Variants in ATG7 observed in about 807,000 individuals in gnomAD.
ATG7 encodes autophagy related 7, also known as ubiquitin-like modifier-activating enzyme ATG7.
Under a neutral mutation model 82.4 loss-of-function variants are expected in ATG7, and 70 were observed. The observed-to-expected ratio is 0.85, with a 90% CI of 0.70 to 1.04. The LOEUF is 1.04. Ranked by LOEUF, ATG7 falls within the 50% of genes least tolerant of loss-of-function variation. The pLI is 0.00. For synonymous variants in ATG7, 287 were observed against 313.0 expected (o/e 0.92, Z 0.88); for missense variants, 792 against 864.3 (o/e 0.92, Z 1.05).
intron 20 of ATG7, among the ~76,000 whole-genome samples, chr3:11,451,824 CCTGT>C (rs1442542938): frequency 2.0e-5 from 3 of 150,222 alleles, no homozygotes; most frequent in African/African-American, 7.3e-5. Flanking sequence ...CCCAGGCTGC[CCTGT>C]CTCTCTCTAT....
intron 18 of ATG7, among the ~76,000 whole-genome samples, chr3:11,378,059 A>T: frequency 1.7e-5 from 1 of 57,268 alleles, no homozygotes; most frequent in Non-Finnish European, 2.7e-5. Context: ...ATGGAGTCTT[A>T]CTCTGTCACT....
At chr3:11,395,979 G>A (rs2079229689) in intron 19 of ATG7, among the ~76,000 whole-genome samples, 3 of 139,972 alleles carry the variant, frequency 2.1e-5, no homozygotes, top group Admixed American at 7.3e-5. Flanking sequence ...AGGGGGGGAA[G>A]AGTAAAAGTG....
At chr3:11,348,600 G>A (rs1375503905) in intron 14 of ATG7, 2 of 152,374 alleles carry the variant, frequency 1.3e-5, no homozygotes, top group African/African-American at 4.8e-5. Flanking sequence ...AGCTCTTAAA[G>A]GTGGTGTGGA....
intron 19 of ATG7, among the ~76,000 whole-genome samples, chr3:11,406,283 C>G (rs2152905205): frequency 6.6e-6 from 1 of 152,238 alleles, no homozygotes; most frequent in South Asian, 2.1e-4. Context: ...AGCCACCATA[C>G]CCAGCCCATA....
chr3:11,285,695 C>T (rs1036626249), intron 3 of ATG7, among the ~76,000 whole-genome samples: 1 of 152,050 alleles, frequency 6.6e-6, no homozygotes, highest in East Asian at 1.9e-4. Context: ...ATTGGTTTTG[C>T]CTGTTGAACA....
At chr3:11,495,723 A>G (rs2090775481) in intron 20 of ATG7, among the ~76,000 whole-genome samples, 1 of 152,242 alleles carries the variant, frequency 6.6e-6, no homozygotes, top group Admixed American at 6.5e-5. Context: ...TCATTCTAAC[A>G]GCCGTGGATA....
At chr3:11,469,461 A>AG in intron 20 of ATG7, among the ~76,000 whole-genome samples, 1 of 151,972 alleles carries the variant, frequency 6.6e-6, no homozygotes, top group South Asian at 2.1e-4. Flanking sequence ...AAAAAAAAAA[A>AG]GTAAAATAAA....
the ATG7 span, among the ~76,000 whole-genome samples, chr3:11,571,988 C>T: frequency 1.6e-4 from 25 of 152,212 alleles, no homozygotes; most frequent in African/African-American, 5.8e-4. Context: ...GTACCTGCAG[C>T]CCCAGCTACT....
At chr3:11,376,638 TA>T (rs200102879) in intron 18 of ATG7, among the ~76,000 whole-genome samples, 4 of 151,430 alleles carry the variant, frequency 2.6e-5, no homozygotes, top group African/African-American at 7.3e-5. Flanking sequence ...ACAGAGTCTG[TA>T]AAAAAAAATT....
chr3:11,545,081 G>T (rs1163687234), intron 20 of ATG7, among the ~76,000 whole-genome samples: 1 of 152,194 alleles, frequency 6.6e-6, no homozygotes, highest in African/African-American at 2.4e-5. Context: ...AAAGAAGCCT[G>T]TGAAAAGGCT....
intron 1 of ATG7, chr3:11,277,115 G>A (rs1214143917): frequency 4.6e-5 from 7 of 152,340 alleles, no homozygotes; most frequent in African/African-American, 1.7e-4. Context: ...GCTATCTCCT[G>A]ACTCACATCT....
chr3:11,567,188 C>G, the ATG7 span, among the ~76,000 whole-genome samples: 4 of 152,100 alleles, frequency 2.6e-5, no homozygotes, highest in African/African-American at 4.8e-5. Context: ...CTCGGCGTCC[C>G]CATGTAACCA....
intron 20 of ATG7, among the ~76,000 whole-genome samples, chr3:11,508,425 G>A (rs546509486): frequency 1.3e-4 from 20 of 152,098 alleles, no homozygotes; most frequent in African/African-American, 4.8e-4. Context: ...TGGGCCACAT[G>A]CGTTAGACAA....
chr3:11,404,492 C>T (rs559008094), intron 19 of ATG7, among the ~76,000 whole-genome samples: 21 of 151,790 alleles, frequency 1.4e-4, no homozygotes, highest in African/African-American at 4.6e-4. Flanking sequence ...AATACCTCTG[C>T]CTTGCCTTTT....
chr3:11,341,290 G>T (rs891872507), intron 12 of ATG7, among the ~76,000 whole-genome samples: 1 of 152,048 alleles, frequency 6.6e-6, no homozygotes, highest in African/African-American at 2.4e-5. Flanking sequence ...TCGAACTCCT[G>T]ACCTCGTGAT....
chr3:11,532,315 G>A (rs2092708768), intron 20 of ATG7, among the ~76,000 whole-genome samples: 1 of 152,196 alleles, frequency 6.6e-6, no homozygotes, highest in Non-Finnish European at 1.5e-5. Flanking sequence ...GGGACAAACC[G>A]GAAGTGTTGT....
chr3:11,555,645 C>T lies in ATG7; in HGVS notation c.*802C>T, dbSNP rs2072333528. On this transcript the variant is annotated 3_prime_UTR_variant, in exon 21 of 21. Transcript: ENST00000693202. ...CCCAGAAAGGCCGAGCCTGGGCTGC[C>T]TTCCTGCCCCAGCCGAGGGAGGGGT... 1.3e-5 allele frequency: 2 copies of T among 152,236 alleles called. No homozygotes were observed. The highest frequency in any genetic ancestry group is 2.9e-5 in the Non-Finnish European group (2 of 68,124). The allele number at this position is 152,236 out of a possible 1,614,324, so 9.4% of individuals were successfully genotyped here.
intron 1 of ATG7, among the ~76,000 whole-genome samples, chr3:11,277,645 A>G (rs1942100483): frequency 6.6e-6 from 1 of 152,204 alleles, no homozygotes. Context: ...TTCTGAGGAA[A>G]CAGGACAAGG....
chr3:11,419,874 A>G (rs2081774834), intron 19 of ATG7, among the ~76,000 whole-genome samples: 1 of 152,194 alleles, frequency 6.6e-6, no homozygotes, highest in Admixed American at 6.5e-5. Flanking sequence ...AAGGAAAATC[A>G]TGGATTATGA....
Sources: allele counts gnomAD v4.1 joint callset (sites outside exome capture counted in the v4.1 genomes callset), GRCh38; gene constraint gnomAD v4.1.1; transcripts MANE v1.5; gene names NCBI Gene and HGNC (gene_info 2026-07-23, HGNC 2026-07-21).